The following RANBP2 variants were observed in gnomAD, a reference collection of about 807,000 sequenced individuals.
The protein encoded by RANBP2 is E3 SUMO-protein ligase RanBP2.
In RANBP2, 57 loss-of-function variants were observed where a neutral mutation model predicts 303.6. That is an observed-to-expected ratio of 0.19 (90% CI 0.15 to 0.23). RANBP2 has a LOEUF of 0.23. RANBP2 is among the 10% of genes least tolerant of loss of function. RANBP2 has a pLI of 1.00. For missense variants in RANBP2, 3,138 were observed against 3,780.8 expected, an observed-to-expected ratio of 0.83 and a Z score of 4.46; for synonymous variants, 1,167 against 1,301.5, an observed-to-expected ratio of 0.90 and a Z score of 2.23.
the RANBP2 span, chr2:108,804,889 C>A: frequency 2.0e-6 from 3 of 1,535,198 alleles, no homozygotes; most frequent in Admixed American, 2.3e-5. Context: ...CTCCTCCTAG[C>A]AGCATGATGC....
the RANBP2 span, among the ~76,000 whole-genome samples, chr2:109,154,492 C>A: frequency 1.1e-4 from 16 of 152,140 alleles, no homozygotes. Flanking sequence ...GGCCAGGCCT[C>A]GAGGCTTCCT....
At chr2:109,260,191 G>T in the RANBP2 span, among the ~76,000 whole-genome samples, 1 of 152,124 alleles carries the variant, frequency 6.6e-6, no homozygotes, top group Non-Finnish European at 1.5e-5. Context: ...TGATAAGCCT[G>T]CAGTGCACTA....
the RANBP2 span, among the ~76,000 whole-genome samples, chr2:108,852,766 A>C: frequency 6.6e-6 from 1 of 152,126 alleles, no homozygotes; most frequent in Non-Finnish European, 1.5e-5. Flanking sequence ...GGGAGGAGGG[A>C]CAGGATCAGG....
the RANBP2 span, among the ~76,000 whole-genome samples, chr2:109,356,496 G>A: frequency 1.5e-3 from 221 of 152,320 alleles, 2 homozygotes; most frequent in African/African-American, 4.3e-3. Context: ...TGGCAGCCTG[G>A]TGGGGTTTTC....
the RANBP2 span, among the ~76,000 whole-genome samples, chr2:109,324,114 C>T: frequency 2.0e-5 from 3 of 152,118 alleles, no homozygotes; most frequent in Non-Finnish European, 4.4e-5. Flanking sequence ...TTTCAAGGTT[C>T]GTCTTGGTTG....
chr2:109,732,680 G>A, the RANBP2 span: 3 of 573,444 alleles, frequency 5.2e-6, no homozygotes, highest in South Asian at 4.2e-5. Flanking sequence ...ATGTTGGCCA[G>A]GCTGGTCTTG....
At chr2:109,605,367 G>C in the RANBP2 span, 1 of 152,120 alleles carries the variant, frequency 6.6e-6, no homozygotes, top group Non-Finnish European at 1.5e-5. Flanking sequence ...CTACTCAGGA[G>C]GCTGAGGCAG....
chr2:109,724,398 G>GAAA, the RANBP2 span, among the ~76,000 whole-genome samples: 11 of 152,160 alleles, frequency 7.2e-5, no homozygotes, highest in Non-Finnish European at 1.6e-4. Context: ...TCCTACCTAT[G>GAAA]AGCATGGAAT....
downstream of RANBP2, chr2:108,788,998 C>T (rs780191011): frequency 2.6e-5 from 42 of 1,610,276 alleles, no homozygotes; most frequent in Middle Eastern, 1.6e-4. Flanking sequence ...CTGTTGCTAC[C>T]CCCTCAGTAT....
the RANBP2 span, among the ~76,000 whole-genome samples, chr2:109,380,233 T>G: frequency 6.6e-6 from 1 of 152,216 alleles, no homozygotes; most frequent in Non-Finnish European, 1.5e-5. Flanking sequence ...TTAAGTCTTT[T>G]TGAGGTCTTC....
chr2:109,359,907 C>A, the RANBP2 span, among the ~76,000 whole-genome samples: 1 of 152,152 alleles, frequency 6.6e-6, no homozygotes. Context: ...ATGCCAATGG[C>A]AGGTTCTCCA....
chr2:109,406,446 C>T, the RANBP2 span, among the ~76,000 whole-genome samples: 25 of 152,228 alleles, frequency 1.6e-4, no homozygotes, highest in Non-Finnish European at 3.1e-4. Context: ...AAGCAGCCCA[C>T]GTTCTCGGAG....
Position 108,785,379 on chromosome 2 carries a change from A to G in RANBP2, c.*1478A>G, listed in dbSNP as rs1037850686. 6 of 152,212 alleles carry G rather than the reference A, an allele frequency of 3.9e-5. No individual in the cohort carries two copies. The highest frequency in any genetic ancestry group is 7.3e-5 in the Non-Finnish European group (5 of 68,034). The allele number at this position is 152,212 out of a possible 1,614,324, so 9.4% of individuals were successfully genotyped here. On this transcript the variant is annotated 3_prime_UTR_variant, in exon 29 of 29. Coordinates refer to ENST00000283195, the MANE Select transcript of RANBP2 (RefSeq NM_006267.5). ...TTCAAATTGGCTTATTTGGAAATCT[A>G]TGTAATATAAACTGATGTAAAGTGT...
chr2:108,746,208 C>G (rs1442819392), intron 7 of RANBP2, among the ~76,000 whole-genome samples: 1 of 90,564 alleles, frequency 1.1e-5, no homozygotes, highest in Non-Finnish European at 2.0e-5. Flanking sequence ...ATGTCTGGCC[C>G]TTTTTTTTTT....
At chr2:108,820,699 C>CAG in the RANBP2 span, among the ~76,000 whole-genome samples, 255 of 62,580 alleles carry the variant, frequency 4.1e-3, 2 homozygotes, top group African/African-American at 0.013. Context: ...ATTCAAAGTG[C>CAG]AAAAAAAAAA....
the RANBP2 span, among the ~76,000 whole-genome samples, chr2:108,973,367 C>T: frequency 6.6e-6 from 1 of 152,214 alleles, no homozygotes; most frequent in Non-Finnish European, 1.5e-5. Flanking sequence ...CTGGCTAGGG[C>T]AGGAGGGCGG....
At chr2:108,868,451 A>G in the RANBP2 span, among the ~76,000 whole-genome samples, 25 of 152,216 alleles carry the variant, frequency 1.6e-4, no homozygotes, top group Non-Finnish European at 2.6e-4. Flanking sequence ...GTTTCAAGAA[A>G]TAACTTAGAC....
the RANBP2 span, among the ~76,000 whole-genome samples, chr2:109,164,422 AG>A: frequency 2.0e-5 from 3 of 152,200 alleles, no homozygotes; most frequent in Non-Finnish European, 2.9e-5. Flanking sequence ...GGCCTCAAGC[AG>A]TTCTCCTGCC....
chr2:108,766,654 C>T lies in RANBP2; in HGVS notation c.6115C>T (p.Arg2039Trp), dbSNP rs766455181. ...AGATGAAAAAGTTCTGTATTCACAG[C>T]GGGTAAAACTATTTAGATTTGATGC... ...EEDEKVLYSQ[R>W]VKLFRFDAEV... Residue 2039 changes from arginine (R) to tryptophan (W), a missense_variant, in exon 20 of 29, where the codon CGG (arginine) becomes TGG (tryptophan). By Grantham distance (101) the Arg-to-Trp change is moderately radical. Transcript: ENST00000283195. 20 of 1,611,746 alleles carry T rather than the reference C, an allele frequency of 1.2e-5. No homozygotes were observed. The highest frequency in any genetic ancestry group is 1.7e-5 in the Admixed American group (1 of 59,970).
Sources: gnomAD v4.1 joint callset for allele counts (sites outside exome capture counted in the v4.1 genomes callset) on GRCh38, gnomAD v4.1.1 for gene constraint, MANE v1.5 for transcripts, NCBI Gene and HGNC (gene_info 2026-07-23, HGNC 2026-07-21) for gene names.